Variants in ABCC2 observed in about 807,000 individuals in gnomAD.
The protein encoded by ABCC2 is ATP binding cassette subfamily C member 2.
A neutral mutation model predicts 173.4 loss-of-function variants in ABCC2; 157 were observed. The ratio of observed to expected loss-of-function variants is 0.91; its 90% CI spans 0.80 to 1.03. The LOEUF is 1.03. Ranked by LOEUF, ABCC2 falls within the 50% of genes least tolerant of loss-of-function variation. The pLI is 0.00. For synonymous variants in ABCC2, 657 were observed against 693.5 expected, an observed-to-expected ratio of 0.95 and a Z score of 0.83; for missense variants, 1,822 against 1,852.3, an observed-to-expected ratio of 0.98 and a Z score of 0.30.
chr10:99,834,500 G>A lies in ABCC2; in HGVS notation c.3379G>A (p.Val1127Ile), dbSNP rs370049107. 209 of 1,614,096 alleles carry A rather than the reference G, an allele frequency of 1.3e-4. 1 individual carries two copies. The Middle Eastern group carries it at 1.8e-3, about 14-fold the overall frequency. The stretch of plus-strand genomic sequence containing the variant: ...GGCCACTCCTGTCTTCACCATCATC[G>A]TCATTCCTCTTGGCATTATTTATGT... Reference protein sequence around the residue: ...CMATPVFTIIVIPLGIIYVSV... With the variant: ...CMATPVFTIIIIPLGIIYVSV... Residue 1127 changes from valine to isoleucine, a missense_variant, in exon 24 of 32, where the codon GTC (valine) becomes ATC (isoleucine). Val to Ile is a conservative substitution (Grantham distance 29). Coordinates refer to ENST00000647814, the MANE Select transcript of ABCC2 (RefSeq NM_000392.5).
At chr10:99,836,747 AGAGAG>A (rs1326550091) in intron 25 of ABCC2, among the ~76,000 whole-genome samples, 2 of 152,168 alleles carry the variant, frequency 1.3e-5, no homozygotes, top group Non-Finnish European at 2.9e-5. Context: ...TGGAGGTTGG[AGAGAG>A]GAGAGTTGGG....
At chr10:99,822,907 A>G (rs892558865) in intron 19 of ABCC2, among the ~76,000 whole-genome samples, 8 of 152,146 alleles carry the variant, frequency 5.3e-5, no homozygotes, top group Admixed American at 5.2e-4. Context: ...CTTTACTACA[A>G]TATCCTGGTC....
rs746522689 is a variant in ABCC2, at chr10:99,811,586, G to A, written c.1951G>A (p.Glu651Lys). 6.2e-7 allele frequency: 1 copy of A among 1,614,048 alleles called. No individual in the cohort carries two copies. The highest frequency in any genetic ancestry group is 1.1e-5 in the South Asian group (1 of 91,072). ...CTCCTTTACCTGGGAACATGATTCG[G>A]AAGCCACAGTCCGAGAGTGAGTTGC... ...EASFTWEHDSEATVRDVNLDI... is the reference protein window; with the variant it reads ...EASFTWEHDSKATVRDVNLDI... Residue 651 changes from glutamate to lysine, a missense_variant, in exon 15 of 32, where the codon GAA becomes AAA. Transcript: ENST00000647814.
Position 99,811,567 on chromosome 10 carries a change from T to C in ABCC2, c.1932T>C (p.Phe644=). Residue 644 remains phenylalanine (F), a synonymous_variant, in exon 15 of 32, where the codon TTT becomes TTC. Coordinates refer to ENST00000647814, the MANE Select transcript of ABCC2 (RefSeq NM_000392.5). ...CCATGCAGTTTTCTGAGGCCTCCTT[T>C]ACCTGGGAACATGATTCGGAAGCCA... ...DKAMQFSEAS[F]TWEHDSEATV... 2 of 1,614,078 alleles carry C rather than the reference T, an allele frequency of 1.2e-6. No homozygotes were observed. Among genetic ancestry groups the C allele is most frequent in the Middle Eastern group, 1.7e-4 (1 of 6,060 alleles).
At chr10:99,832,531 A>C (rs531397126) in intron 23 of ABCC2, among the ~76,000 whole-genome samples, 1 of 152,346 alleles carries the variant, frequency 6.6e-6, no homozygotes, top group Non-Finnish European at 1.5e-5. Context: ...GGAGATGGCA[A>C]GGGTTGGGGG....
At chr10:99,784,851 A>T in intron 2 of ABCC2, 70 bp downstream of exon 2, 2 of 1,573,384 alleles carry the variant, frequency 1.3e-6, no homozygotes, top group Non-Finnish European at 1.7e-6. Flanking sequence ...CTTGGTGGTT[A>T]GTGTTCTCTT....
intron 25 of ABCC2, among the ~76,000 whole-genome samples, chr10:99,841,381 T>C (rs1324347672): frequency 6.6e-6 from 1 of 152,076 alleles, no homozygotes; most frequent in Non-Finnish European, 1.5e-5. Context: ...GATGAAATCC[T>C]GGCTCTACAA....
intron 26 of ABCC2, among the ~76,000 whole-genome samples, chr10:99,843,018 A>G (rs549358534): frequency 1.3e-5 from 2 of 151,030 alleles, no homozygotes; most frequent in South Asian, 4.2e-4. Flanking sequence ...GTGCCATTGC[A>G]CTCCAGCCTG....
chr10:99,796,506 C>T (rs1404357823), intron 6 of ABCC2, among the ~76,000 whole-genome samples: 1 of 151,472 alleles, frequency 6.6e-6, no homozygotes, highest in Non-Finnish European at 1.5e-5. Context: ...TCCGTCTCAA[C>T]AGAAACAAAA....
rs547147518 is a variant in ABCC2 at position 99,819,269 on chromosome 10, G to T, written c.2620G>T (p.Val874Phe). The T allele has an allele frequency of 6.2e-7, 1 of 1,613,148 alleles. No homozygotes were observed. Among genetic ancestry groups the T allele is most frequent in the Admixed American group, 1.7e-5 (1 of 60,018 alleles). ...TACAGGCCCTGAAGAGGAAGCCACAGGTATGTAAGAAGGATTGGGACAAGA... is the reference window on the plus strand; with the variant it reads ...TACAGGCCCTGAAGAGGAAGCCACATGTATGTAAGAAGGATTGGGACAAGA... ...RHTGPEEEAT[V>F]HDGSEEEDDD... The change falls in exon 19 of 32, where the codon GTC becomes TTC. Residue 874 changes from valine to phenylalanine, a missense_variant and splice_region_variant. Val to Phe is a conservative substitution (Grantham distance 50, BLOSUM62 -1). Transcript: ENST00000647814.
chr10:99,804,157 T>TTATC lies in ABCC2; in HGVS notation c.1354_1357dup (p.Phe453TyrfsTer26). On this transcript the variant is annotated frameshift_variant, in exon 10 of 32. Transcript: ENST00000647814. LOFTEE classifies it high-confidence loss of function. ...GTGGTCAAGTGTTCTACAGATTGTC[T>TTATC]TATCTATCTTCTTCCTATGGAGAGA... 1.2e-6 allele frequency: 2 copies of TTATC among 1,614,176 alleles called. No homozygotes were observed. The highest frequency in any genetic ancestry group is 1.3e-5 in the African/African-American group (1 of 75,042).
chr10:99,824,782 C>G (rs1312796856), intron 19 of ABCC2, among the ~76,000 whole-genome samples: 2 of 151,822 alleles, frequency 1.3e-5, no homozygotes, highest in African/African-American at 4.8e-5. Flanking sequence ...GCGTTTACGG[C>G]CCTTAAGTCA....
chr10:99,815,504 T>C (rs189429379), intron 16 of ABCC2, among the ~76,000 whole-genome samples: 12 of 149,586 alleles, frequency 8.0e-5, no homozygotes, highest in African/African-American at 2.9e-4. Context: ...CTAATTATGC[T>C]TTTTTTTTTA....
In ABCC2 at chr10:99,814,167, A is replaced by ATATACACACATGTATG. The variant is rs1186662484; in HGVS notation, c.2094+1037_2094+1052dup. ...CACACATGTATGTATACACACGTAT[A>ATATACACACATGTATG]TATACACACATGTATGTATACACAC... On this transcript the variant is annotated intron_variant, in intron 16 of 31. Transcript: ENST00000647814. 3.5e-4 allele frequency among the ~76,000 whole-genome samples: 12 copies of ATATACACACATGTATG among 33,858 alleles called. 2 individuals are homozygous for ATATACACACATGTATG. Among genetic ancestry groups the ATATACACACATGTATG allele is most frequent in the Non-Finnish European group, 5.6e-4 (9 of 15,930 alleles). The allele number at this position is 33,858 out of a possible 152,430, so 22.2% of individuals were successfully genotyped here.
At chr10:99,795,564 T>G (rs1032635394) in intron 6 of ABCC2, among the ~76,000 whole-genome samples, 6 of 152,060 alleles carry the variant, frequency 3.9e-5, no homozygotes, top group African/African-American at 1.4e-4. Flanking sequence ...CCTGGCATGG[T>G]GGCATGTGCC....
chr10:99,812,205 C>T (rs1348394562), intron 15 of ABCC2, among the ~76,000 whole-genome samples: 1 of 152,192 alleles, frequency 6.6e-6, no homozygotes, highest in Non-Finnish European at 1.5e-5. Context: ...TTCCTACAGC[C>T]TTTAACATGG....
intron 30 of ABCC2, 62 bp downstream of exon 30, chr10:99,847,189 G>C (rs765432297): frequency 1.7e-5 from 27 of 1,566,788 alleles, no homozygotes; most frequent in Non-Finnish European, 2.3e-5. Flanking sequence ...GCCACTCCTC[G>C]TGTTCCTCGT....
intron 7 of ABCC2, 172 bp downstream of exon 7, chr10:99,797,503 C>A (rs996835505): frequency 3.0e-6 from 2 of 671,314 alleles, no homozygotes; most frequent in Non-Finnish European, 5.3e-6. Context: ...GGATACATGG[C>A]GTGTAATGTA....
rs770191836 is a variant in ABCC2, at chr10:99,830,722, G to A, written c.2754G>A (p.Arg918=). Residue 918 remains arginine, a synonymous_variant, in exon 21 of 32, where the codon AGG becomes AGA. Coordinates refer to ENST00000647814, the MANE Select transcript of ABCC2 (RefSeq NM_000392.5). ...GGAAGCTTCCCTCTCTCAGTTCTAG[G>A]TCCAATGGCAGGCATCTGAAGTCCC... ...SFRRTLSRSS[R]SNGRHLKSLR... The A allele has an allele frequency of 1.2e-6, 2 of 1,613,934 alleles. No individual in the cohort carries two copies. The highest frequency in any genetic ancestry group is 1.3e-5 in the African/African-American group (1 of 74,862).
Sources: gnomAD v4.1 joint callset for allele counts (sites outside exome capture counted in the v4.1 genomes callset) on GRCh38, gnomAD v4.1.1 for gene constraint, MANE v1.5 for transcripts, NCBI Gene and HGNC (gene_info 2026-07-23, HGNC 2026-07-21) for gene names.